Variants in PAM observed in about 807,000 individuals in gnomAD.
PAM encodes peptidyl-glycine alpha-amidating monooxygenase.
A neutral mutation model predicts 122.1 loss-of-function variants in PAM; 72 were observed. The observed-to-expected ratio is 0.59, with a 90% confidence interval of 0.49 to 0.72. The LOEUF (loss-of-function observed/expected upper bound fraction) is 0.72. Among genes scored for constraint, PAM ranks in the 30% least tolerant of loss-of-function variants. The pLI is 0.00. For missense variants in PAM, 1,106 were observed against 1,183.7 expected (o/e 0.93, Z 0.96); for synonymous variants, 389 against 404.4 (o/e 0.96, Z 0.46).
At chr5:102,891,217 AAAG>A (rs764090699) in intron 3 of PAM, among the ~76,000 whole-genome samples, 1 of 151,908 alleles carries the variant, frequency 6.6e-6, no homozygotes, top group Admixed American at 6.6e-5. Flanking sequence ...TTGGGAACAC[AAAG>A]AAGAATAAAT....
chr5:102,757,812 G>C (rs1430592125), intron 1 of PAM, among the ~76,000 whole-genome samples: 1 of 151,962 alleles, frequency 6.6e-6, no homozygotes, highest in African/African-American at 2.4e-5. Flanking sequence ...AGGCTGAGGC[G>C]GGAGTATTGC....
intron 1 of PAM, among the ~76,000 whole-genome samples, chr5:102,755,992 C>G (rs1481029590): frequency 2.0e-5 from 3 of 152,122 alleles, no homozygotes; most frequent in African/African-American, 4.8e-5. Context: ...AAGTATCCAC[C>G]ACTTGGGATA....
chr5:103,001,418 T>G (rs761382900), intron 16 of PAM, among the ~76,000 whole-genome samples: 1 of 152,114 alleles, frequency 6.6e-6, no homozygotes, highest in Non-Finnish European at 1.5e-5. Flanking sequence ...CATAAATATC[T>G]TATGAAATCT....
In PAM at chr5:103,019,844, G is replaced by C; in HGVS notation, c.2485+1G>C. 6.3e-7 allele frequency: 1 copy of C among 1,595,134 alleles called. No homozygotes were observed. Among genetic ancestry groups the C allele is most frequent in the Non-Finnish European group, 8.6e-7 (1 of 1,162,842 alleles). On this transcript the variant is annotated splice_donor_variant, in intron 23 of 25. Coordinates refer to ENST00000438793, the MANE Select transcript of PAM (RefSeq NM_001177306.2). LOFTEE classifies it high-confidence loss of function. ...GGCATTGAGGTCCAGGAAATCAAAG[G>C]TTGGTCAGATTCCTCTTATTACTAT... is the stretch of plus-strand genomic sequence containing the variant.
chr5:102,828,850 T>G (rs1051325718), intron 1 of PAM, among the ~76,000 whole-genome samples: 1 of 151,974 alleles, frequency 6.6e-6, no homozygotes, highest in Non-Finnish European at 1.5e-5. Context: ...AATACAGCTC[T>G]CAGCCTAGGC....
In PAM at chr5:103,019,775, G is replaced by T; in HGVS notation, c.2432-15G>T. On this transcript the variant is annotated splice_polypyrimidine_tract_variant and intron_variant, in intron 22 of 25. Coordinates refer to ENST00000438793, the MANE Select transcript of PAM (RefSeq NM_001177306.2). ...GAGATTCTGACTTTTCTCTCTCCTT[G>T]TTGTGTTGTTACAGAATTGGAACAT... is the stretch of plus-strand genomic sequence containing the variant. The T allele has an allele frequency of 6.4e-7, 1 of 1,573,128 alleles. No homozygotes were observed. The highest frequency in any genetic ancestry group is 8.7e-7 in the Non-Finnish European group (1 of 1,142,924).
chr5:102,905,363 A>G (rs981114612), intron 4 of PAM, among the ~76,000 whole-genome samples: 1 of 151,672 alleles, frequency 6.6e-6, no homozygotes, highest in South Asian at 2.1e-4. Context: ...TGCACTACAT[A>G]AATGAGATAG....
intron 1 of PAM, among the ~76,000 whole-genome samples, chr5:102,767,515 A>G (rs1754459868): frequency 6.6e-6 from 1 of 152,110 alleles, no homozygotes; most frequent in Admixed American, 6.6e-5. Context: ...TAAGTTTCCT[A>G]ACAGAGTGGC....
At chr5:102,858,265 A>G (rs1466787124) in intron 1 of PAM, among the ~76,000 whole-genome samples, 1 of 152,204 alleles carries the variant, frequency 6.6e-6, no homozygotes, top group Non-Finnish European at 1.5e-5. Context: ...TTGATTTACA[A>G]GTTAAGCTTC....
rs184569455 is a variant in PAM, at chr5:102,968,490, T to C, written c.1163-5626T>C. ...TAAAGCATTCAGCAAAGTGAATGGA[T>C]CATGCTAAGCTCTCAAGAAATTTTA... On this transcript the variant is annotated intron_variant, in intron 14 of 25. Transcript: ENST00000438793. Among the ~76,000 whole-genome samples the C allele has an allele frequency of 2.4e-3, 359 of 152,322 alleles. 1 individual carries two copies. Among genetic ancestry groups the C allele is most frequent in the Middle Eastern group, 0.01 (3 of 294 alleles).
In PAM at chr5:102,948,419, A is replaced by G; in HGVS notation, c.617A>G (p.Asp206Gly). 1 of 1,586,384 alleles carries G rather than the reference A, an allele frequency of 6.3e-7. No homozygotes were observed. Among genetic ancestry groups the G allele is most frequent in the African/African-American group, 1.3e-5 (1 of 74,430 alleles). ...IAGMYLMMSV[D>G]TVIPAGEKVV... Reference sequence around the variant, plus strand: ...GGCATGTACCTTATGATGTCTGTTGACACTGTTATCCCAGCAGGAGAAAAA... The same window carrying G: ...GGCATGTACCTTATGATGTCTGTTGGCACTGTTATCCCAGCAGGAGAAAAA... Residue 206 changes from aspartate to glycine, a missense_variant, in exon 9 of 26, where the codon GAC becomes GGC. By Grantham distance (94) the Asp-to-Gly change is moderately conservative. Transcript: ENST00000438793.
At chr5:102,828,604 T>A (rs1051518377) in intron 1 of PAM, among the ~76,000 whole-genome samples, 5 of 152,140 alleles carry the variant, frequency 3.3e-5, no homozygotes, top group Non-Finnish European at 7.3e-5. Flanking sequence ...ATAATACACA[T>A]CTAGGGCAGT....
chr5:103,003,243 C>G lies in PAM; in HGVS notation c.1730+94C>G, dbSNP rs148101925. On this transcript the variant is annotated intron_variant, in intron 17 of 25. Coordinates refer to ENST00000438793, the MANE Select transcript of PAM (RefSeq NM_001177306.2). ...CTTGAAATTCGAGTGTTTTGTATAA[C>G]TGCACTTGAGAAAGCAGAAAACTAA... The G allele has an allele frequency of 2.8e-3, 1,678 of 608,932 alleles. 18 individuals carry two copies. Among genetic ancestry groups the G allele is most frequent in the African/African-American group, 0.024 (1,303 of 54,412 alleles). 37.7% of individuals were successfully genotyped at this position (608,932 alleles called of 1,614,324 possible).
At position 102,883,351 on chromosome 5, in the gene PAM, G is replaced by A. The variant is rs544157521; in HGVS notation, c.210+15958G>A. Reference sequence around the variant, plus strand: ...TGATTCTACCCATCCATGAGCATGGGCTGTGTTTCCATTTGTTTGTGTCAC... The same window carrying A: ...TGATTCTACCCATCCATGAGCATGGACTGTGTTTCCATTTGTTTGTGTCAC... On this transcript the variant is annotated intron_variant, in intron 3 of 25. Transcript: ENST00000438793. 3.9e-5 allele frequency among the ~76,000 whole-genome samples: 6 copies of A among 151,908 alleles called. 1 individual carries two copies. In the East Asian group the frequency reaches 9.7e-4, roughly 25 times the overall value.
chr5:102,896,220 A>C (rs1236394412), intron 3 of PAM, among the ~76,000 whole-genome samples: 6 of 151,712 alleles, frequency 4.0e-5, no homozygotes, highest in Non-Finnish European at 8.9e-5. Context: ...ACAGATTTGT[A>C]ATTCCCATAG....
intron 1 of PAM, among the ~76,000 whole-genome samples, chr5:102,859,642 C>T (rs1026181496): frequency 1.3e-4 from 20 of 152,052 alleles, no homozygotes; most frequent in African/African-American, 4.6e-4. Flanking sequence ...CATAAAATCT[C>T]CTGTACAGTG....
At chr5:102,971,498 G>C (rs1232690270) in intron 14 of PAM, among the ~76,000 whole-genome samples, 1 of 152,188 alleles carries the variant, frequency 6.6e-6, no homozygotes, top group Admixed American at 6.5e-5. Flanking sequence ...ACCCAGCAGA[G>C]ACCCCTGAGT....
rs543073976 is a variant in PAM, at chr5:102,756,191, G to C, written c.-374+843G>C. On this transcript the variant is annotated intron_variant, in intron 1 of 25. Transcript: ENST00000438793. ...GCACGGTCTCTTGTCTCGTGCAGCT[G>C]CCTGATGGCAGGTCCTGTGTTCTGA... is the stretch of plus-strand genomic sequence containing the variant. Among the ~76,000 whole-genome samples, 21 of 152,310 alleles carry C rather than the reference G, an allele frequency of 1.4e-4. No homozygotes were observed. In the South Asian group the frequency reaches 3.1e-3, roughly 23 times the overall value.
intron 7 of PAM, among the ~76,000 whole-genome samples, chr5:102,936,591 A>G (rs1753331763): frequency 6.6e-6 from 1 of 152,194 alleles, no homozygotes; most frequent in African/African-American, 2.4e-5. Context: ...AGTGGGCTAT[A>G]AAAAGTAGAG....
Sources: allele counts gnomAD v4.1 joint callset (sites outside exome capture counted in the v4.1 genomes callset), GRCh38; gene constraint gnomAD v4.1.1; transcripts MANE v1.5; gene names NCBI Gene and HGNC (gene_info 2026-07-23, HGNC 2026-07-21).